Variants in DENND4A observed in about 807,000 individuals in gnomAD.
The protein encoded by DENND4A is DENN domain containing 4A, also known as C-myc promoter-binding protein.
A neutral mutation model predicts 199.3 loss-of-function variants in DENND4A; 70 were observed. The ratio of observed to expected loss-of-function variants is 0.35; its 90% CI spans 0.29 to 0.43. DENND4A has a LOEUF of 0.43. DENND4A is among the 20% of genes least tolerant of loss of function. The pLI is 1.00. For synonymous variants in DENND4A, 686 were observed against 766.9 expected (o/e 0.89, Z 1.74); for missense variants, 1,723 against 2,255.8 (o/e 0.76, Z 4.78).
intron 13 of DENND4A, 23 bp from the exon 14 acceptor site, chr15:65,715,646 G>A: frequency 6.6e-7 from 1 of 1,520,156 alleles, no homozygotes; most frequent in Non-Finnish European, 8.8e-7. Flanking sequence ...AATATATAAT[G>A]TCAGAATACA....
intron 24 of DENND4A, among the ~76,000 whole-genome samples, chr15:65,674,231 T>G (rs1388974894): frequency 6.6e-6 from 1 of 152,098 alleles, no homozygotes; most frequent in Non-Finnish European, 1.5e-5. Flanking sequence ...CTTAAAAGTA[T>G]GATGGTATTA....
intron 3 of DENND4A, among the ~76,000 whole-genome samples, chr15:65,753,458 A>T (rs376897631): frequency 5.6e-4 from 86 of 152,222 alleles, no homozygotes; most frequent in South Asian, 5.2e-3. Flanking sequence ...TCCAATGTTC[A>T]AGCGATTCTC....
At chr15:65,685,293 A>C (rs1284826321) in intron 23 of DENND4A, among the ~76,000 whole-genome samples, 3 of 151,950 alleles carry the variant, frequency 2.0e-5, no homozygotes, top group Non-Finnish European at 4.4e-5. Context: ...TGCCCGGCTA[A>C]TTTTTTGTAT....
chr15:65,681,465 A>G (rs1394932269), intron 23 of DENND4A, among the ~76,000 whole-genome samples: 1 of 152,224 alleles, frequency 6.6e-6, no homozygotes, highest in East Asian at 1.9e-4. Context: ...GTTAAAAGTA[A>G]AAGCGACTCC....
intron 14 of DENND4A, among the ~76,000 whole-genome samples, chr15:65,707,897 G>A (rs1026359376): frequency 2.0e-5 from 3 of 151,728 alleles, no homozygotes; most frequent in Non-Finnish European, 4.4e-5. Context: ...TGTTGGCCAG[G>A]CTGGTCAGGA....
At chr15:65,691,831 C>G (rs1307389967) in intron 22 of DENND4A, among the ~76,000 whole-genome samples, 1 of 151,782 alleles carries the variant, frequency 6.6e-6, no homozygotes, top group Non-Finnish European at 1.5e-5. Flanking sequence ...TCAGGATGTA[C>G]TGCTTTTTAA....
At chr15:65,733,774 A>G (rs2076028969) in intron 7 of DENND4A, among the ~76,000 whole-genome samples, 1 of 152,192 alleles carries the variant, frequency 6.6e-6, no homozygotes, top group Admixed American at 6.5e-5. Context: ...CTGTTAATCT[A>G]TGACCTTACC....
At chr15:65,669,225 C>T (rs1012688912) in intron 27 of DENND4A, among the ~76,000 whole-genome samples, 1 of 152,184 alleles carries the variant, frequency 6.6e-6, no homozygotes, top group African/African-American at 2.4e-5. Flanking sequence ...ATGCAGCTAC[C>T]AATATGGCTT....
At chr15:65,713,636 G>A (rs1455219944) in intron 14 of DENND4A, among the ~76,000 whole-genome samples, 1 of 152,198 alleles carries the variant, frequency 6.6e-6, no homozygotes, top group Non-Finnish European at 1.5e-5. Flanking sequence ...GGGCTAATCT[G>A]TTACTAACAT....
chr15:65,742,450 ATTT>A (rs772887480), intron 4 of DENND4A, among the ~76,000 whole-genome samples: 2 of 134,406 alleles, frequency 1.5e-5, no homozygotes, highest in Admixed American at 1.5e-4. Context: ...TGACTGGCTG[ATTT>A]TTTTTTTTTT....
At chr15:65,727,235 G>T (rs1446411663) in intron 11 of DENND4A, among the ~76,000 whole-genome samples, 1 of 151,114 alleles carries the variant, frequency 6.6e-6, no homozygotes, top group East Asian at 2.0e-4. Flanking sequence ...GGCGGATCAC[G>T]AGGTCAGGAG....
At chr15:65,665,527 A>G in intron 29 of DENND4A, 65 bp from the exon 30 acceptor site, 1 of 1,225,364 alleles carries the variant, frequency 8.2e-7, no homozygotes, top group Non-Finnish European at 1.1e-6. Context: ...GTATTTTATA[A>G]AATTCTTATA....
chr15:65,768,698 T>C (rs1251303144), intron 1 of DENND4A, among the ~76,000 whole-genome samples: 1 of 151,986 alleles, frequency 6.6e-6, no homozygotes, highest in Non-Finnish European at 1.5e-5. Context: ...GAATACACAA[T>C]TTTGCCAGGC....
chr15:65,748,154 A>C (rs1423504366), intron 4 of DENND4A, among the ~76,000 whole-genome samples: 1 of 151,860 alleles, frequency 6.6e-6, no homozygotes, highest in Non-Finnish European at 1.5e-5. Context: ...ACACATGTTG[A>C]AATGCGTATA....
chr15:65,740,664 T>A (rs1207951273), intron 5 of DENND4A, among the ~76,000 whole-genome samples: 1 of 149,742 alleles, frequency 6.7e-6, no homozygotes, highest in Non-Finnish European at 1.5e-5. Context: ...AAATTGTAGA[T>A]CTAAAAATAT....
chr15:65,748,326 T>A (rs1291415301), intron 4 of DENND4A, among the ~76,000 whole-genome samples: 1 of 151,420 alleles, frequency 6.6e-6, no homozygotes, highest in African/African-American at 2.4e-5. Flanking sequence ...TAAAAAGAAA[T>A]TAAATTTACA....
intron 11 of DENND4A, 84 bp downstream of exon 11, chr15:65,728,988 A>G: frequency 7.7e-7 from 1 of 1,303,818 alleles, no homozygotes; most frequent in Non-Finnish European, 1.1e-6. Context: ...AAAGAATCCT[A>G]CTTAACAATC....
chr15:65,785,015 G>A (rs2077529927), intron 1 of DENND4A, among the ~76,000 whole-genome samples: 1 of 151,942 alleles, frequency 6.6e-6, no homozygotes, highest in South Asian at 2.1e-4. Flanking sequence ...AAGGCATGGT[G>A]GTGTATGCCT....
chr15:65,716,741 A>C (rs1200801076), intron 13 of DENND4A, among the ~76,000 whole-genome samples: 1 of 151,806 alleles, frequency 6.6e-6, no homozygotes, highest in African/African-American at 2.4e-5. Context: ...CATGATTTAT[A>C]GTCCTTTGGG....
Sources: allele counts gnomAD v4.1 joint callset (sites outside exome capture counted in the v4.1 genomes callset), GRCh38; gene constraint gnomAD v4.1.1; transcripts MANE v1.5; gene names NCBI Gene and HGNC (gene_info 2026-07-23, HGNC 2026-07-21).